GPM6B: variants seen among roughly 807,000 people sequenced by gnomAD.
GPM6B encodes the protein glycoprotein M6B, also known as neuronal membrane glycoprotein M6-b.
A neutral mutation model predicts 27.2 loss-of-function variants in GPM6B; 4 were observed. The ratio of observed to expected loss-of-function variants is 0.15; its 90% CI spans 0.07 to 0.34. The LOEUF is 0.34. Ranked by LOEUF, GPM6B falls within the 10% of genes least tolerant of loss-of-function variation. The pLI is 1.00. For synonymous variants in GPM6B, 124 were observed against 103.1 expected (o/e 1.20, Z -1.23); for missense variants, 183 against 261.9 (o/e 0.70, Z 2.08).
intron 2 of GPM6B, among the ~76,000 whole-genome samples, chrX:13,799,247 C>G (rs2048875462): frequency 1.5e-5 from 1 of 67,598 alleles, no homozygotes. Context: ...GAGCCTTGCT[C>G]TGTTGTCCAG....
intron 1 of GPM6B, among the ~76,000 whole-genome samples, chrX:13,814,743 G>T (rs1389342106): frequency 9.0e-6 from 1 of 111,422 alleles, no homozygotes; most frequent in Admixed American, 9.5e-5. Flanking sequence ...TCTAAATGCA[G>T]ATTAGATAAG....
chrX:13,833,609 T>C (rs2147219815), intron 1 of GPM6B, among the ~76,000 whole-genome samples: 1 of 107,799 alleles, frequency 9.3e-6, no homozygotes, highest in South Asian at 4.3e-4. Context: ...CATGCACCTG[T>C]AGTCCTATTC....
At chrX:13,800,811 A>G (rs1413970048) in intron 2 of GPM6B, among the ~76,000 whole-genome samples, 1 of 110,852 alleles carries the variant, frequency 9.0e-6, no homozygotes, top group Non-Finnish European at 1.9e-5. Context: ...TCTGGGACCC[A>G]TCGCAGAGAG....
rs761419282 is a variant in GPM6B at position 13,871,114 on chromosome X, C to A, written c.-198+67213G>T. 4.2e-3 allele frequency among the ~76,000 whole-genome samples: 404 copies of A among 95,126 alleles called. 2 individuals are homozygous for A. Among genetic ancestry groups the A allele is most frequent in the Non-Finnish European group, 7.2e-3 (345 of 47,650 alleles). 82.6% of individuals were successfully genotyped at this position (95,126 alleles called of 115,157 possible). A position where few individuals can be genotyped will look rare whatever the true frequency, so the allele number is the denominator to read the frequency against. ...CAAAACAAAACAAAACAAAACAAAA[C>A]AAAAAAAAAAGAAGTTAGAGCTGTT... On this transcript the variant is annotated intron_variant, in intron 1 of 6. Coordinates refer to the GPM6B transcript ENST00000398361.
At chrX:13,928,595 C>T (rs1454917296) in intron 1 of GPM6B, among the ~76,000 whole-genome samples, 1 of 112,550 alleles carries the variant, frequency 8.9e-6, no homozygotes, top group Non-Finnish European at 1.9e-5. Flanking sequence ...ATCACATTAT[C>T]TTAAGAGCTT....
chrX:13,884,001 C>T (rs1468605947), intron 1 of GPM6B, among the ~76,000 whole-genome samples: 1 of 111,420 alleles, frequency 9.0e-6, no homozygotes, highest in Non-Finnish European at 1.9e-5. Flanking sequence ...CATGGTAAAA[C>T]TCTGTCTCTA....
intron 1 of GPM6B, among the ~76,000 whole-genome samples, chrX:13,876,755 T>C (rs2050037426): frequency 9.0e-6 from 1 of 110,550 alleles, no homozygotes; most frequent in African/African-American, 3.3e-5. Context: ...GACAAGAGAA[T>C]GGCTGTTCTC....
At chrX:13,927,252 T>A (rs1385987326) in intron 1 of GPM6B, among the ~76,000 whole-genome samples, 2 of 112,141 alleles carry the variant, frequency 1.8e-5, no homozygotes, top group Non-Finnish European at 3.8e-5. Flanking sequence ...CTGGTAAAGA[T>A]ACAAAGAAGC....
intron 2 of GPM6B, among the ~76,000 whole-genome samples, chrX:13,805,077 C>A (rs1262875578): frequency 9.0e-6 from 1 of 111,511 alleles, no homozygotes; most frequent in Non-Finnish European, 1.9e-5. Context: ...CCAATTATTT[C>A]CATCAATGCA....
chrX:13,913,952 A>G (rs1337781695), intron 1 of GPM6B, among the ~76,000 whole-genome samples: 4 of 110,436 alleles, frequency 3.6e-5, no homozygotes, highest in Non-Finnish European at 7.6e-5. Context: ...GGGTTTCGCC[A>G]TGTTGCCCAG....
At chrX:13,922,858 G>C (rs1921000968) in intron 1 of GPM6B, among the ~76,000 whole-genome samples, 1 of 112,254 alleles carries the variant, frequency 8.9e-6, no homozygotes, top group Non-Finnish European at 1.9e-5. Context: ...TTTTATGCCT[G>C]AGGCCTTTCA....
chrX:13,880,477 C>T (rs1164473201), intron 1 of GPM6B, among the ~76,000 whole-genome samples: 2 of 109,621 alleles, frequency 1.8e-5, no homozygotes, highest in African/African-American at 6.7e-5. Context: ...AGATTGAGAC[C>T]ATCCCTGGCT....
chrX:13,849,571 C>T (rs144772730), intron 1 of GPM6B, among the ~76,000 whole-genome samples: 93 of 112,384 alleles, frequency 8.3e-4, no homozygotes, highest in Non-Finnish European at 1.3e-3. Flanking sequence ...TAACAGTTAG[C>T]ATAATGTTAA....
intron 3 of GPM6B, among the ~76,000 whole-genome samples, chrX:13,784,583 C>T (rs1272367114): frequency 4.5e-5 from 5 of 111,834 alleles, no homozygotes; most frequent in Admixed American, 9.5e-5. Context: ...AATCATAAGA[C>T]ACACTAACAC....
At chrX:13,817,721 A>T (rs961017355), upstream of GPM6B, among the ~76,000 whole-genome samples, 1 of 112,290 alleles carries the variant, frequency 8.9e-6, no homozygotes, top group Non-Finnish European at 1.9e-5. Context: ...GAGGGAAGAA[A>T]ACTCAAACAC....
At chrX:13,781,332 A>G (rs2048512260) in intron 4 of GPM6B, among the ~76,000 whole-genome samples, 1 of 111,914 alleles carries the variant, frequency 8.9e-6, no homozygotes, top group Non-Finnish European at 1.9e-5. Flanking sequence ...CCCCCAAATC[A>G]CTAAGCCAAA....
At chrX:13,852,588 G>A (rs1025966708) in intron 1 of GPM6B, among the ~76,000 whole-genome samples, 1 of 110,565 alleles carries the variant, frequency 9.0e-6, no homozygotes, top group Non-Finnish European at 1.9e-5. Flanking sequence ...TCTGTACCCT[G>A]CTTTTGATTT....
intron 2 of GPM6B, among the ~76,000 whole-genome samples, chrX:13,804,136 G>A (rs1453270936): frequency 9.0e-6 from 1 of 111,204 alleles, no homozygotes; most frequent in African/African-American, 3.3e-5. Context: ...TGATTCAGTG[G>A]GGCTGGGTGG....
chrX:13,774,634 G>A, intron 7 of GPM6B: 3 of 1,187,485 alleles, frequency 2.5e-6, no homozygotes, highest in Non-Finnish European at 3.4e-6. Context: ...GCTGGTGGAA[G>A]AGAACAAAAC....
Sources: gnomAD v4.1 joint callset for allele counts (sites outside exome capture counted in the v4.1 genomes callset) on GRCh38, gnomAD v4.1.1 for gene constraint, MANE v1.5 for transcripts, NCBI Gene and HGNC (gene_info 2026-07-23, HGNC 2026-07-21) for gene names.